The following SEC24C variants were observed in gnomAD, a reference collection of about 807,000 sequenced individuals.
SEC24C encodes SEC24 homolog C, COPII component.
Under a neutral mutation model 117.0 loss-of-function variants are expected in SEC24C, and 22 were observed. That is an observed-to-expected ratio of 0.19 (90% CI 0.13 to 0.27). SEC24C has a LOEUF of 0.27. Ranked by LOEUF, SEC24C falls within the 10% of genes least tolerant of loss-of-function variation. SEC24C has a pLI of 1.00. For synonymous variants in SEC24C, 506 were observed against 529.4 expected, an observed-to-expected ratio of 0.96 and a Z score of 0.61; for missense variants, 1,155 against 1,375.1, an observed-to-expected ratio of 0.84 and a Z score of 2.53.
intron 14 of SEC24C, among the ~76,000 whole-genome samples, chr10:73,767,582 C>T (rs572745754): frequency 3.3e-5 from 5 of 152,170 alleles, no homozygotes; most frequent in Middle Eastern, 6.8e-3. Flanking sequence ...GCAGGAGAAT[C>T]GCTTGAACCT....
rs751899302 is a variant in SEC24C at position 73,766,358 on chromosome 10, G to A, written c.1616G>A (p.Gly539Glu). Residue 539 changes from glycine (G) to glutamate (E), a missense_variant, in exon 12 of 23, where the codon GGG becomes GAG. Gly to Glu is a moderately conservative substitution (Grantham distance 98, BLOSUM62 -2). This residue lies in a region of SEC24C where 759 missense variants were observed against 992.3 expected (regional missense o/e 0.76). Transcript: ENST00000345254. Reference protein sequence around the residue: ...SLLDFLPREGGAEESAIRVGF... With the variant: ...SLLDFLPREGEAEESAIRVGF... ...AATGTCACCTTCTACAGGGAGGGTGGGGCAGAAGAGTCAGCAATCCGCGTT... is the reference window on the plus strand; with the variant it reads ...AATGTCACCTTCTACAGGGAGGGTGAGGCAGAAGAGTCAGCAATCCGCGTT... 5.2e-5 allele frequency: 83 copies of A among 1,603,758 alleles called. No homozygotes were observed. The Middle Eastern group carries it at 6.6e-4, about 13-fold the overall frequency.
At position 73,751,128 on chromosome 10, in the gene SEC24C, T is replaced by G; in HGVS notation, c.193T>G (p.Ser65Ala). The change falls in exon 3 of 23, where the codon TCC becomes GCC. Residue 65 changes from serine to alanine, a missense_variant. Coordinates refer to ENST00000345254, the MANE Select transcript of SEC24C (RefSeq NM_198597.3). ...PPQGMSRAPP[S>A]SGAPPASTAQ... ...CTCAGGTATGTCAAGAGCCCCACCT[T>G]CCTCGGGGGCACCTCCAGCCTCAAC... 7.4e-6 allele frequency: 12 copies of G among 1,614,080 alleles called. No individual in the cohort carries two copies. Among genetic ancestry groups the G allele is most frequent in the Non-Finnish European group, 1.0e-5 (12 of 1,179,966 alleles).
intron 8 of SEC24C, among the ~76,000 whole-genome samples, chr10:73,764,647 ACTGT>A (rs1369416084): frequency 2.0e-5 from 3 of 152,082 alleles, no homozygotes; most frequent in Admixed American, 1.3e-4. Context: ...TGTTTTCCTG[ACTGT>A]CCTGTCATCC....
At chr10:73,761,354 G>A (rs1288354238) in intron 6 of SEC24C, among the ~76,000 whole-genome samples, 1 of 152,190 alleles carries the variant, frequency 6.6e-6, no homozygotes, top group African/African-American at 2.4e-5. Flanking sequence ...TGTGGATGGG[G>A]AAGAGTGAAC....
At chr10:73,749,984 G>A (rs532255230) in intron 2 of SEC24C, among the ~76,000 whole-genome samples, 2 of 152,196 alleles carry the variant, frequency 1.3e-5, no homozygotes, top group South Asian at 4.1e-4. Context: ...AAAGAGATAT[G>A]GAAAAAAGAA....
chr10:73,758,791 A>G (rs1565040568), intron 3 of SEC24C, among the ~76,000 whole-genome samples: 1 of 152,066 alleles, frequency 6.6e-6, no homozygotes, highest in Non-Finnish European at 1.5e-5. Context: ...TACATGCCAC[A>G]TTTTGTTTAT....
chr10:73,761,245 T>C (rs564951419), intron 6 of SEC24C, among the ~76,000 whole-genome samples: 6 of 152,160 alleles, frequency 3.9e-5, no homozygotes, highest in Non-Finnish European at 5.9e-5. Flanking sequence ...TCTCTGATGT[T>C]AGATGTTAAG....
At chr10:73,754,932 G>A (rs2082689448) in intron 3 of SEC24C, among the ~76,000 whole-genome samples, 2 of 152,070 alleles carry the variant, frequency 1.3e-5, no homozygotes, top group South Asian at 4.1e-4. Flanking sequence ...TCAGGAGTTC[G>A]AGACAAGCCT....
At chr10:73,770,084 G>A (rs1049784712) in intron 20 of SEC24C, 69 bp downstream of exon 20, 3 of 1,444,386 alleles carry the variant, frequency 2.1e-6, no homozygotes, top group South Asian at 1.2e-5. Flanking sequence ...GGAAAGGATA[G>A]GCTAGTATCA....
rs139334748 is a variant in SEC24C at position 73,758,837 on chromosome 10, A to C, written c.309-785A>C. On this transcript the variant is annotated intron_variant, in intron 3 of 22. Transcript: ENST00000345254. ...GCTGATAGACATTTGGGATGTTTCC[A>C]CTATAGTTGGTTTTTGTGTGTGTGT... 6.7e-4 allele frequency among the ~76,000 whole-genome samples: 102 copies of C among 151,972 alleles called. No individual in the cohort carries two copies. The East Asian group carries it at 0.019, about 29-fold the overall frequency.
chr10:73,753,758 A>G (rs1417467278), intron 3 of SEC24C, among the ~76,000 whole-genome samples: 1 of 152,228 alleles, frequency 6.6e-6, no homozygotes, highest in Non-Finnish European at 1.5e-5. Flanking sequence ...TCTTAAGTCT[A>G]TAAGCTCCAC....
intron 6 of SEC24C, among the ~76,000 whole-genome samples, chr10:73,763,123 G>T (rs1023319047): frequency 2.6e-5 from 4 of 152,154 alleles, no homozygotes; most frequent in South Asian, 2.1e-4. Flanking sequence ...AAGGCATGAT[G>T]GGGGAGGGGA....
chr10:73,746,628 A>G (rs1402929070), intron 1 of SEC24C, 177 bp from the exon 2 acceptor site: 1 of 468,796 alleles, frequency 2.1e-6, no homozygotes, highest in Non-Finnish European at 3.7e-6. Context: ...CCTTGCTTTT[A>G]GGAGATAATC....
Position 73,763,035 on chromosome 10 carries a change from G to A in SEC24C, c.988-455G>A, listed in dbSNP as rs556996140. Among the ~76,000 whole-genome samples, 4 of 152,266 alleles carry A rather than the reference G, an allele frequency of 2.6e-5. No individual in the cohort carries two copies. The South Asian group carries it at 8.3e-4, about 32-fold the overall frequency. Reference sequence around the variant, plus strand: ...TTCATTGAGTGTAGAGTCATTCCAGGTAGATTCATTTTTACGTGGTTACTG... The same window carrying A: ...TTCATTGAGTGTAGAGTCATTCCAGATAGATTCATTTTTACGTGGTTACTG... On this transcript the variant is annotated intron_variant, in intron 6 of 22. Coordinates refer to ENST00000345254, the MANE Select transcript of SEC24C (RefSeq NM_198597.3).
Position 73,769,034 on chromosome 10 carries a change from C to A in SEC24C, c.2306C>A (p.Ala769Asp), listed in dbSNP as rs2082930278. ...TGIRAVDFFG[A>D]FYMSNTTDVE... is the part of the protein sequence containing the mutation. ...ATCCGTGCTGTAGATTTCTTTGGAG[C>A]TTTCTACATGAGCAACACGACAGAT... The change falls in exon 17 of 23, where the codon GCT (alanine) becomes GAT (aspartate). Residue 769 changes from alanine to aspartate, a missense_variant. Transcript: ENST00000345254. This position sits in a 1 kb window ranked among gnomAD's most constrained non-coding sequence, Gnocchi z 4.5. 3 of 1,614,224 alleles carry A rather than the reference C, an allele frequency of 1.9e-6. No individual in the cohort carries two copies. Among genetic ancestry groups the A allele is most frequent in the Non-Finnish European group, 2.5e-6 (3 of 1,180,044 alleles).
At chr10:73,767,366 A>AT (rs1439937540) in intron 14 of SEC24C, among the ~76,000 whole-genome samples, 196 bp downstream of exon 14, 1 of 152,102 alleles carries the variant, frequency 6.6e-6, no homozygotes, top group Admixed American at 6.5e-5. Context: ...GTATTTATTT[A>AT]TTTTTTAAAG....
chr10:73,752,797 C>T (rs2082659731), intron 3 of SEC24C, among the ~76,000 whole-genome samples: 2 of 151,954 alleles, frequency 1.3e-5, no homozygotes, highest in South Asian at 4.1e-4. Context: ...GCACTCCAGT[C>T]TAGGTGACAA....
rs118063873 is a variant in SEC24C, at chr10:73,760,396, T to G, written c.850+10T>G. ...CAGCCCCAACAAAATGGTGAGTCTT[T>G]CCCAAGGTCTGTCTTAGAAGCTAGA... On this transcript the variant is annotated intron_variant, in intron 5 of 22. Transcript: ENST00000345254. 4.2e-3 allele frequency: 6,586 copies of G among 1,575,090 alleles called. 26 individuals are homozygous for G. The highest frequency in any genetic ancestry group is 5.2e-3 in the Non-Finnish European group (6,071 of 1,162,306).
chr10:73,759,665 G>A lies in SEC24C; in HGVS notation c.352G>A (p.Gly118Ser). ...QPFGSPLAPV[G>S]NQPPVLQPYG... ...ATTTGGGTCCCCATTGGCCCCTGTG[G>A]GCAACCAGCCACCTGTGCTTCAGCC... is the stretch of plus-strand genomic sequence containing the variant. Residue 118 changes from glycine to serine, a missense_variant, in exon 4 of 23, where the codon GGC (glycine) becomes AGC (serine). Gly to Ser is a moderately conservative substitution (Grantham distance 56). Coordinates refer to ENST00000345254, the MANE Select transcript of SEC24C (RefSeq NM_198597.3). 4 of 1,574,728 alleles carry A rather than the reference G, an allele frequency of 2.5e-6. No individual in the cohort carries two copies. The highest frequency in any genetic ancestry group is 3.4e-6 in the Non-Finnish European group (4 of 1,163,816).
Sources: allele counts gnomAD v4.1 joint callset (sites outside exome capture counted in the v4.1 genomes callset), GRCh38; gene constraint gnomAD v4.1.1; regional missense constraint gnomAD v4.1.1; non-coding constraint Gnocchi (gnomAD v3.1); transcripts MANE v1.5; gene names NCBI Gene and HGNC (gene_info 2026-07-23, HGNC 2026-07-21).